SGCZ: variants seen among roughly 807,000 people sequenced by gnomAD.
SGCZ encodes zeta-sarcoglycan.
A neutral mutation model predicts 41.3 loss-of-function variants in SGCZ; 40 were observed. The ratio of observed to expected loss-of-function variants is 0.97; its 90% confidence interval spans 0.75 to 1.26. The LOEUF (loss-of-function observed/expected upper bound fraction) is 1.26. Among genes scored for constraint, SGCZ ranks in the 50% most tolerant of loss-of-function variants. The pLI is 0.00. For missense variants in SGCZ, 552 were observed against 369.8 expected (o/e 1.49, Z -4.04); for synonymous variants, 206 against 137.5 (o/e 1.50, Z -3.49).
At chr8:14,883,223 T>C (rs1006089231) in intron 1 of SGCZ, among the ~76,000 whole-genome samples, 1 of 135,128 alleles carries the variant, frequency 7.4e-6, no homozygotes. Context: ...CTCGCCTCAA[T>C]GTTGGGCTAC....
intron 1 of SGCZ, among the ~76,000 whole-genome samples, chr8:15,143,683 T>A (rs929834278): frequency 2.6e-5 from 4 of 152,216 alleles, no homozygotes; most frequent in Non-Finnish European, 4.4e-5. Flanking sequence ...TGGGGCTCAG[T>A]TTTTGCATCT....
chr8:14,619,718 G>C (rs1429768646), intron 1 of SGCZ, among the ~76,000 whole-genome samples: 1 of 152,054 alleles, frequency 6.6e-6, no homozygotes, highest in African/African-American at 2.4e-5. Flanking sequence ...AAAATACCTA[G>C]GAATCCAACT....
intron 2 of SGCZ, among the ~76,000 whole-genome samples, chr8:14,415,262 A>G (rs1046906485): frequency 6.6e-6 from 1 of 151,944 alleles, no homozygotes; most frequent in Non-Finnish European, 1.5e-5. Flanking sequence ...AAATTGCATA[A>G]TGGATTATCC....
At chr8:14,792,598 G>A (rs183032285) in intron 1 of SGCZ, among the ~76,000 whole-genome samples, 1 of 151,720 alleles carries the variant, frequency 6.6e-6, no homozygotes, top group African/African-American at 2.4e-5. Context: ...TTAAGTTTTA[G>A]GGTACATGTG....
At chr8:14,415,093 G>C (rs548383182) in intron 2 of SGCZ, among the ~76,000 whole-genome samples, 1 of 151,780 alleles carries the variant, frequency 6.6e-6, no homozygotes, top group Non-Finnish European at 1.5e-5. Context: ...ACAATCCCCT[G>C]AAGTAAAACT....
intron 1 of SGCZ, among the ~76,000 whole-genome samples, chr8:15,180,621 C>G (rs561654374): frequency 6.0e-4 from 90 of 150,864 alleles, no homozygotes; most frequent in Non-Finnish European, 1.1e-3. Flanking sequence ...CATGGTGACT[C>G]ACGCCTGTAA....
intron 1 of SGCZ, among the ~76,000 whole-genome samples, chr8:14,966,410 A>C (rs1480558779): frequency 6.6e-6 from 1 of 151,852 alleles, no homozygotes; most frequent in African/African-American, 2.4e-5. Flanking sequence ...CTACATGTTT[A>C]TAAAATATCT....
chr8:14,873,191 G>A (rs966774971), intron 1 of SGCZ, among the ~76,000 whole-genome samples: 13 of 152,080 alleles, frequency 8.5e-5, no homozygotes, highest in African/African-American at 2.9e-4. Flanking sequence ...AGGTAGTAGA[G>A]GAATAGCTTT....
chr8:15,182,144 C>T (rs1403840619), intron 1 of SGCZ, among the ~76,000 whole-genome samples: 1 of 152,152 alleles, frequency 6.6e-6, no homozygotes, highest in Non-Finnish European at 1.5e-5. Flanking sequence ...TTCATCATCA[C>T]ATAAAACTAA....
At chr8:14,883,147 C>T (rs1166228280) in intron 1 of SGCZ, among the ~76,000 whole-genome samples, 5 of 151,032 alleles carry the variant, frequency 3.3e-5, no homozygotes, top group Admixed American at 2.0e-4. Context: ...TCATATCTTA[C>T]TTTAAAACTA....
At chr8:14,827,629 A>G (rs142146859) in intron 1 of SGCZ, among the ~76,000 whole-genome samples, 526 of 152,310 alleles carry the variant, frequency 3.5e-3, no homozygotes, top group Non-Finnish European at 5.0e-3. Context: ...TCATGCCACA[A>G]TGATGAAGTT....
chr8:14,568,456 A>C (rs1254397140), intron 1 of SGCZ, among the ~76,000 whole-genome samples: 5 of 151,828 alleles, frequency 3.3e-5, no homozygotes, highest in East Asian at 3.9e-4. Flanking sequence ...AAAAAAAAAA[A>C]AAAACTAAAG....
At chr8:14,364,275 C>G (rs959321409) in intron 2 of SGCZ, among the ~76,000 whole-genome samples, 1 of 151,980 alleles carries the variant, frequency 6.6e-6, no homozygotes, top group Non-Finnish European at 1.5e-5. Context: ...CTATATTTAC[C>G]TGTTGGTGGA....
intron 1 of SGCZ, among the ~76,000 whole-genome samples, chr8:14,738,099 T>C (rs1391022545): frequency 2.6e-5 from 4 of 152,122 alleles, no homozygotes; most frequent in African/African-American, 4.8e-5. Context: ...CCACACGATA[T>C]TGCTCTTGAG....
chr8:14,109,952 TTCTCTC>T (rs144095698), intron 5 of SGCZ, among the ~76,000 whole-genome samples: 1 of 151,626 alleles, frequency 6.6e-6, no homozygotes, highest in East Asian at 1.9e-4. Context: ...GTGTTCTCTC[TTCTCTC>T]TCTCTCTGTC....
intron 1 of SGCZ, among the ~76,000 whole-genome samples, chr8:14,598,731 A>C (rs1805494616): frequency 1.3e-5 from 2 of 151,990 alleles, no homozygotes; most frequent in Non-Finnish European, 2.9e-5. Flanking sequence ...GTTTTTGCCA[A>C]GTAGCCCAGG....
At chr8:14,216,672 T>C (rs1806004008) in intron 4 of SGCZ, among the ~76,000 whole-genome samples, 2 of 152,222 alleles carry the variant, frequency 1.3e-5, no homozygotes, top group Admixed American at 1.3e-4. Context: ...GAAAAATACT[T>C]AATGATGTTC....
intron 1 of SGCZ, among the ~76,000 whole-genome samples, chr8:14,935,242 T>C (rs917357306): frequency 1.3e-5 from 2 of 151,828 alleles, no homozygotes; most frequent in Non-Finnish European, 2.9e-5. Flanking sequence ...TGCATGTTTT[T>C]AAATTTCATA....
intron 1 of SGCZ, among the ~76,000 whole-genome samples, chr8:14,585,662 T>C (rs1805033485): frequency 6.6e-6 from 1 of 152,128 alleles, no homozygotes. Flanking sequence ...GAAAGAAAAT[T>C]TAATTACAAT....
Sources: gnomAD v4.1 joint callset for allele counts (sites outside exome capture counted in the v4.1 genomes callset) on GRCh38, gnomAD v4.1.1 for gene constraint, MANE v1.5 for transcripts, NCBI Gene and HGNC (gene_info 2026-07-23, HGNC 2026-07-21) for gene names.